Variants in KSR2 observed in about 807,000 individuals in gnomAD.
KSR2 encodes the protein kinase suppressor of ras 2.
KSR2 carries 25 observed loss-of-function variants against 107.8 expected under a neutral mutation model. That is an observed-to-expected ratio of 0.23 (90% CI 0.17 to 0.32). KSR2 has a LOEUF of 0.32. Among genes scored for constraint, KSR2 ranks in the 10% least tolerant of loss-of-function variants. The pLI, the probability that KSR2 is intolerant of heterozygous loss-of-function variation, is 1.00. For synonymous variants in KSR2, 480 were observed against 507.0 expected (o/e 0.95, Z 0.71); for missense variants, 887 against 1,268.9 (o/e 0.70, Z 4.57).
At chr12:117,512,357 G>A (rs1260070522) in intron 14 of KSR2, among the ~76,000 whole-genome samples, 1 of 152,156 alleles carries the variant, frequency 6.6e-6, no homozygotes, top group African/African-American at 2.4e-5. Flanking sequence ...CTTCCTTGCA[G>A]GAATGCTGCG....
intron 14 of KSR2, among the ~76,000 whole-genome samples, chr12:117,511,727 T>C (rs936322397): frequency 4.6e-5 from 7 of 152,218 alleles, no homozygotes; most frequent in Non-Finnish European, 7.3e-5. Context: ...CTCTTTCATA[T>C]GAAAAATGAT....
At chr12:117,824,309 G>A (rs949628335) in intron 3 of KSR2, among the ~76,000 whole-genome samples, 4 of 151,982 alleles carry the variant, frequency 2.6e-5, no homozygotes, top group African/African-American at 7.3e-5. Flanking sequence ...ACAAATATTC[G>A]ATTTGATAGA....
intron 7 of KSR2, among the ~76,000 whole-genome samples, chr12:117,574,011 G>A (rs1028053183): frequency 2.0e-5 from 3 of 152,100 alleles, no homozygotes; most frequent in Non-Finnish European, 4.4e-5. Flanking sequence ...ATGTCCCGCT[G>A]GGCAATAAAG....
chr12:117,568,089 T>G (rs1038624951), intron 7 of KSR2, among the ~76,000 whole-genome samples: 3 of 152,100 alleles, frequency 2.0e-5, no homozygotes, highest in African/African-American at 7.2e-5. Context: ...TCCAAGGACA[T>G]CATGAAAAAT....
At chr12:117,479,986 C>A (rs938364283) in intron 16 of KSR2, among the ~76,000 whole-genome samples, 15 of 151,328 alleles carry the variant, frequency 9.9e-5, no homozygotes, top group Non-Finnish European at 1.8e-4. Flanking sequence ...GTGTCAGCTG[C>A]CAGAGACACG....
chr12:117,815,615 A>G (rs1891338878), intron 3 of KSR2, among the ~76,000 whole-genome samples: 1 of 152,204 alleles, frequency 6.6e-6, no homozygotes. Context: ...AACAGTATAT[A>G]TGCTAAAGAG....
chr12:117,705,890 CACT>C (rs1057276894), intron 4 of KSR2, among the ~76,000 whole-genome samples: 11 of 152,112 alleles, frequency 7.2e-5, no homozygotes, highest in African/African-American at 2.4e-4. Context: ...CGTCACTCAC[CACT>C]GTGAGCCTCA....
intron 3 of KSR2, among the ~76,000 whole-genome samples, chr12:117,769,882 C>T (rs1177130345): frequency 1.3e-5 from 2 of 152,022 alleles, no homozygotes; most frequent in East Asian, 1.9e-4. Context: ...GGTGAAACTC[C>T]ATCTCTACTA....
chr12:117,582,555 C>T (rs558944841), intron 5 of KSR2, among the ~76,000 whole-genome samples, 196 bp from the exon 6 acceptor site: 8 of 152,196 alleles, frequency 5.3e-5, no homozygotes, highest in Non-Finnish European at 1.2e-4. Flanking sequence ...GGCAGGGCTG[C>T]CAGGGGATGC....
intron 14 of KSR2, among the ~76,000 whole-genome samples, chr12:117,499,291 T>A (rs76836902): frequency 6.6e-6 from 1 of 152,242 alleles, no homozygotes; most frequent in Non-Finnish European, 1.5e-5. Context: ...TTAGCAGAGC[T>A]ATCTCTGGCT....
rs10850929 is a variant in KSR2, at chr12:117,897,263, T to G, written c.181-36832A>C. ...GGAGGGGGCAAACATGCCAGGGCAG[T>G]GGTGCCAAGGAAATACTTGCCAACT... is the stretch of plus-strand genomic sequence containing the variant. On this transcript the variant is annotated intron_variant, in intron 1 of 19. Transcript: ENST00000339824. This position sits in a 1 kb window ranked among gnomAD's most constrained non-coding sequence, Gnocchi z 4.5. Among the ~76,000 whole-genome samples, 60,424 of 152,054 alleles carry G rather than the reference T, an allele frequency of 0.4. 14,712 individuals are homozygous for G. Among genetic ancestry groups the G allele is most frequent in the East Asian group, 0.87 (4,504 of 5,162 alleles).
chr12:117,741,194 A>G (rs1479345848), intron 4 of KSR2, among the ~76,000 whole-genome samples: 1 of 151,978 alleles, frequency 6.6e-6, no homozygotes, highest in Non-Finnish European at 1.5e-5. Context: ...AACCTATTGA[A>G]TGAAATAAGA....
intron 4 of KSR2, among the ~76,000 whole-genome samples, chr12:117,758,141 G>C (rs1447090105): frequency 6.6e-6 from 1 of 152,108 alleles, no homozygotes; most frequent in East Asian, 1.9e-4. Flanking sequence ...AGAAAGCTAA[G>C]ATTCAGAGAG....
chr12:117,851,903 G>T (rs1440809447), intron 3 of KSR2, among the ~76,000 whole-genome samples: 2 of 148,912 alleles, frequency 1.3e-5, no homozygotes, highest in Admixed American at 1.3e-4. Flanking sequence ...AAAAAAAAAA[G>T]AAAGTGGCTA....
At position 117,463,551 on chromosome 12, in the gene KSR2, T is replaced by C. The variant is rs904643344; in HGVS notation, c.*3648A>G. The C allele has an allele frequency of 2.6e-5, 4 of 152,258 alleles. No individual in the cohort carries two copies. Among genetic ancestry groups the C allele is most frequent in the Admixed American group, 2.6e-4 (4 of 15,290 alleles). 9.4% of individuals were successfully genotyped at this position (152,258 alleles called of 1,614,324 possible). A position where few individuals can be genotyped will look rare whatever the true frequency, so the allele number is the denominator to read the frequency against. ...AGGTGACTGTGCTCCAATAACATTT[T>C]GTTTATTGACATGAAATTTGAATGT... On this transcript the variant is annotated 3_prime_UTR_variant, in exon 20 of 20. Coordinates refer to ENST00000339824, the MANE Select transcript of KSR2 (RefSeq NM_173598.6).
At chr12:117,622,973 G>A (rs907998581) in intron 5 of KSR2, among the ~76,000 whole-genome samples, 1 of 152,194 alleles carries the variant, frequency 6.6e-6, no homozygotes, top group Non-Finnish European at 1.5e-5. Flanking sequence ...AATGGAGGAA[G>A]TTTAAGGTAG....
chr12:117,880,398 G>A lies in KSR2; in HGVS notation c.181-19967C>T, dbSNP rs1246820115. On this transcript the variant is annotated intron_variant, in intron 1 of 19. Transcript: ENST00000339824. ...CACAGAATATAGCCATCGTCTCATG[G>A]GGAGTTTCTTCTAAATCTGCAGACA... 2.0e-5 allele frequency among the ~76,000 whole-genome samples: 3 copies of A among 152,134 alleles called. No homozygotes were observed. The South Asian group carries it at 6.2e-4, about 32-fold the overall frequency.
At chr12:117,750,219 C>T (rs542734606) in intron 4 of KSR2, among the ~76,000 whole-genome samples, 39 of 148,640 alleles carry the variant, frequency 2.6e-4, no homozygotes, top group African/African-American at 9.0e-4. Flanking sequence ...CACTGCACTC[C>T]AGCCTGGGTG....
intron 3 of KSR2, among the ~76,000 whole-genome samples, chr12:117,778,825 C>T (rs1426489385): frequency 2.0e-5 from 3 of 152,194 alleles, no homozygotes; most frequent in Non-Finnish European, 4.4e-5. Context: ...TTCCAGAACC[C>T]TTTGTTGTTC....
Sources: allele counts gnomAD v4.1 joint callset (sites outside exome capture counted in the v4.1 genomes callset), GRCh38; gene constraint gnomAD v4.1.1; non-coding constraint Gnocchi (gnomAD v3.1); transcripts MANE v1.5; gene names NCBI Gene and HGNC (gene_info 2026-07-23, HGNC 2026-07-21).